OVCH1: variants seen among roughly 807,000 people sequenced by gnomAD.
OVCH1 encodes the protein ovochymase-1.
A neutral mutation model predicts 138.4 loss-of-function variants in OVCH1; 139 were observed. The ratio of observed to expected loss-of-function variants is 1.00; its 90% confidence interval spans 0.87 to 1.16. The LOEUF is 1.16. OVCH1 is among the 50% of genes most tolerant of loss of function. The pLI, the probability that OVCH1 is intolerant of heterozygous loss-of-function variation, is 0.00. For synonymous variants in OVCH1, 453 were observed against 467.8 expected (o/e 0.97, Z 0.41); for missense variants, 1,367 against 1,357.9 (o/e 1.01, Z -0.11).
At chr12:29,464,853 T>C in intron 17 of OVCH1, 151 bp from the exon 18 acceptor site, 1 of 741,890 alleles carries the variant, frequency 1.3e-6, no homozygotes, top group African/African-American at 1.8e-5. Context: ...AGAGCAATAT[T>C]GGTTTACAAT....
At position 29,443,345 on chromosome 12, in the gene OVCH1, A is replaced by C. The variant is rs372896936; in HGVS notation, c.3157+16T>G. 6.2e-7 allele frequency: 1 copy of C among 1,607,314 alleles called. No homozygotes were observed. The highest frequency in any genetic ancestry group is 8.5e-7 in the Non-Finnish European group (1 of 1,176,294). On this transcript the variant is annotated intron_variant, in intron 25 of 27. Transcript: ENST00000318184. ...AGAAAAATCAGTAGCATAGAGATTC[A>C]TGGGAAATCAGTTACCTATTAATTT...
intron 3 of OVCH1, among the ~76,000 whole-genome samples, chr12:29,417,160 A>G (rs1941040271): frequency 1.3e-5 from 2 of 152,160 alleles, no homozygotes; most frequent in Non-Finnish European, 2.9e-5. Context: ...AGTGGTTGCC[A>G]GGGATCTGGG....
chr12:29,485,916 G>A (rs1285518051), intron 8 of OVCH1, among the ~76,000 whole-genome samples: 1 of 151,588 alleles, frequency 6.6e-6, no homozygotes, highest in South Asian at 2.1e-4. Context: ...CCGCACTCCA[G>A]CCTGGATGAC....
chr12:29,443,610 T>A, intron 24 of OVCH1, 110 bp from the exon 25 acceptor site: 1 of 1,098,824 alleles, frequency 9.1e-7, no homozygotes. Flanking sequence ...GTGAGCCTTA[T>A]TTTTTGTGTC....
intron 22 of OVCH1, among the ~76,000 whole-genome samples, chr12:29,447,174 A>T (rs1454008825): frequency 6.6e-6 from 1 of 152,106 alleles, no homozygotes; most frequent in Non-Finnish European, 1.5e-5. Flanking sequence ...AATTAGTTTT[A>T]AAAAAACAAG....
In OVCH1 at chr12:29,487,711, T is replaced by G. The variant is rs376837311; in HGVS notation, c.874A>C (p.Thr292Pro). 3.8e-6 allele frequency: 6 copies of G among 1,597,886 alleles called. No individual in the cohort carries two copies. The African/African-American group carries it at 5.3e-5, about 14-fold the overall frequency. Residue 292 changes from threonine to proline, a missense_variant, in exon 7 of 28, where the codon ACT becomes CCT. By Grantham distance (38) the Thr-to-Pro change is conservative. Transcript: ENST00000318184. ...CACCTACCTGTGAACAGGTTTTGAGTGATAAAATCCATCAACTCAGACACT... is the reference window on the plus strand; with the variant it reads ...CACCTACCTGTGAACAGGTTTTGAGGGATAAAATCCATCAACTCAGACACT...
chr12:29,439,533 T>C (rs1941434157), intron 25 of OVCH1: 2 of 1,327,376 alleles, frequency 1.5e-6, no homozygotes, highest in African/African-American at 3.0e-5. Flanking sequence ...GAAAAATCTC[T>C]ATCTCTACTA....
chr12:29,480,693 A>AT, intron 8 of OVCH1, among the ~76,000 whole-genome samples: 1 of 151,888 alleles, frequency 6.6e-6, no homozygotes, highest in Non-Finnish European at 1.5e-5. Context: ...CCTGGGTGGT[A>AT]TCTGTCATTT....
In OVCH1 at chr12:29,465,700, C is replaced by T. The variant is rs142853186; in HGVS notation, c.1857-481G>A. On this transcript the variant is annotated intron_variant, in intron 16 of 27. Transcript: ENST00000318184. ...GGAGCTCTTGATCATGTATCCTGCC[C>T]CTTTCTTTTGACCATAAAGTATCAT... Among the ~76,000 whole-genome samples the T allele has an allele frequency of 7.1e-3, 1,081 of 152,220 alleles. 13 individuals carry two copies. Among genetic ancestry groups the T allele is most frequent in the African/African-American group, 0.025 (1,027 of 41,526 alleles).
chr12:29,428,697 T>C (rs1043188904), intron 27 of OVCH1, among the ~76,000 whole-genome samples: 1 of 152,198 alleles, frequency 6.6e-6, no homozygotes, highest in African/African-American at 2.4e-5. Flanking sequence ...AATGGTGTTA[T>C]AAATCTGGAA....
At chr12:29,449,605 TTTTATTATC>T in intron 22 of OVCH1, among the ~76,000 whole-genome samples, 1 of 152,302 alleles carries the variant, frequency 6.6e-6, no homozygotes, top group East Asian at 1.9e-4. Flanking sequence ...TTCCTAGGTA[TTTTATTATC>T]TTTATAGCAA....
intron 3 of OVCH1, among the ~76,000 whole-genome samples, chr12:29,421,347 A>C (rs999392382): frequency 2.7e-4 from 41 of 152,360 alleles, no homozygotes; most frequent in African/African-American, 9.9e-4. Context: ...AAAAGTAATT[A>C]TAAAAGTCTA....
chr12:29,496,202 T>C, exon 3 of OVCH1: 2 of 1,608,512 alleles, frequency 1.2e-6, no homozygotes, highest in South Asian at 1.1e-5. Flanking sequence ...GTCCAGGCAG[T>C]GTGCTGCTGT....
chr12:29,489,473 C>CT (rs760048989), intron 6 of OVCH1, 147 bp downstream of exon 6: 60 of 956,226 alleles, frequency 6.3e-5, no homozygotes, highest in Non-Finnish European at 8.0e-5. Context: ...GTCAAGTACA[C>CT]TTTTTCAGTA....
intron 22 of OVCH1, among the ~76,000 whole-genome samples, chr12:29,447,942 C>T (rs1941664748): frequency 6.6e-6 from 1 of 151,734 alleles, no homozygotes; most frequent in South Asian, 2.1e-4. Context: ...AATTCCAGCT[C>T]TCATGAAACT....
chr12:29,435,015 A>G (rs950890488), intron 26 of OVCH1, among the ~76,000 whole-genome samples: 2 of 152,238 alleles, frequency 1.3e-5, no homozygotes, highest in African/African-American at 2.4e-5. Flanking sequence ...CTGGGTCCTC[A>G]GGGAACTAAA....
chr12:29,494,839 G>A (rs897494684), intron 4 of OVCH1, among the ~76,000 whole-genome samples: 17 of 152,212 alleles, frequency 1.1e-4, no homozygotes, highest in African/African-American at 3.9e-4. Context: ...AGGATGAAGT[G>A]GGGTTGATTA....
chr12:29,427,341 A>C (rs1941196238), downstream of OVCH1, among the ~76,000 whole-genome samples: 1 of 152,246 alleles, frequency 6.6e-6, no homozygotes, highest in East Asian at 1.9e-4. Flanking sequence ...TTGCCAGGAA[A>C]TTTTAATTCT....
chr12:29,403,497 C>T, the OVCH1 span, among the ~76,000 whole-genome samples: 6 of 152,118 alleles, frequency 3.9e-5, no homozygotes, highest in Non-Finnish European at 7.3e-5. Context: ...GCCTCAGGCT[C>T]CTATTCATTT....
Sources: gnomAD v4.1 joint callset for allele counts (sites outside exome capture counted in the v4.1 genomes callset) on GRCh38, gnomAD v4.1.1 for gene constraint, MANE v1.5 for transcripts, NCBI Gene and HGNC (gene_info 2026-07-23, HGNC 2026-07-21) for gene names.